Variants in DYNC2H1 observed in about 807,000 individuals in gnomAD.
DYNC2H1 encodes the protein cytoplasmic dynein 2 heavy chain 1.
A neutral mutation model predicts 570.0 loss-of-function variants in DYNC2H1; 410 were observed. The observed-to-expected ratio is 0.72, with a 90% CI of 0.66 to 0.78. The LOEUF is 0.78. Among genes scored for constraint, DYNC2H1 ranks in the 30% least tolerant of loss-of-function variants. The pLI is 0.00. For synonymous variants in DYNC2H1, 1,688 were observed against 1,677.6 expected (o/e 1.01, Z -0.15); for missense variants, 4,865 against 5,046.4 (o/e 0.96, Z 1.09).
intron 75 of DYNC2H1, among the ~76,000 whole-genome samples, chr11:103,298,144 C>T (rs1866909296): frequency 6.6e-6 from 1 of 151,996 alleles, no homozygotes; most frequent in Non-Finnish European, 1.5e-5. Flanking sequence ...AAGGTCTTAC[C>T]CTCAGATCTT....
intron 82 of DYNC2H1, among the ~76,000 whole-genome samples, chr11:103,333,273 T>G (rs1938920906): frequency 6.6e-6 from 1 of 152,204 alleles, no homozygotes; most frequent in South Asian, 2.1e-4. Flanking sequence ...GTTTGTTTCT[T>G]TGTTTTTTGA....
intron 5 of DYNC2H1, 27 bp downstream of exon 5, chr11:103,116,741 A>T (rs754266224): frequency 1.9e-5 from 29 of 1,555,134 alleles, no homozygotes; most frequent in Non-Finnish European, 2.5e-5. Flanking sequence ...GAACTTTTGG[A>T]ATTTTGAAAA....
chr11:103,463,566 A>T (rs555412829), intron 87 of DYNC2H1, among the ~76,000 whole-genome samples: 1 of 152,166 alleles, frequency 6.6e-6, no homozygotes, highest in Non-Finnish European at 1.5e-5. Context: ...CCTGAGCAAC[A>T]TGGAAGAACC....
At chr11:103,139,633 A>T (rs1859783580) in intron 17 of DYNC2H1, among the ~76,000 whole-genome samples, 1 of 151,812 alleles carries the variant, frequency 6.6e-6, no homozygotes, top group African/African-American at 2.4e-5. Flanking sequence ...CTTTACTTCC[A>T]ACTATGTGGT....
At chr11:103,220,471 T>C (rs1205011928) in intron 56 of DYNC2H1, among the ~76,000 whole-genome samples, 152 bp from the exon 57 acceptor site, 4 of 152,204 alleles carry the variant, frequency 2.6e-5, no homozygotes, top group Admixed American at 1.3e-4. Context: ...TTTTACACCT[T>C]GTATGATTGA....
At chr11:103,389,086 C>T (rs996682522) in intron 83 of DYNC2H1, among the ~76,000 whole-genome samples, 30 of 152,236 alleles carry the variant, frequency 2.0e-4, no homozygotes, top group African/African-American at 7.0e-4. Flanking sequence ...GGTACCAGCT[C>T]CTCCTTGTAC....
chr11:103,310,069 G>A (rs1312454783), intron 78 of DYNC2H1, among the ~76,000 whole-genome samples: 1 of 151,786 alleles, frequency 6.6e-6, no homozygotes, highest in Non-Finnish European at 1.5e-5. Flanking sequence ...TATAATATGG[G>A]CATATATTAT....
chr11:103,147,445 C>T (rs1033221836), intron 18 of DYNC2H1, among the ~76,000 whole-genome samples: 2 of 152,012 alleles, frequency 1.3e-5, no homozygotes, highest in African/African-American at 4.8e-5. Context: ...AGGTGTGTTA[C>T]ATGCTGTGAC....
intron 77 of DYNC2H1, among the ~76,000 whole-genome samples, chr11:103,307,387 C>G (rs1034075247): frequency 1.3e-5 from 2 of 152,100 alleles, no homozygotes; most frequent in African/African-American, 4.8e-5. Flanking sequence ...GTATCAGGCA[C>G]TGTTTTAGTG....
chr11:103,447,016 C>A (rs1305338400), intron 85 of DYNC2H1, among the ~76,000 whole-genome samples: 1 of 151,976 alleles, frequency 6.6e-6, no homozygotes, highest in East Asian at 1.9e-4. Flanking sequence ...GCATGAACAC[C>A]ATCAGGGTTT....
chr11:103,217,697 A>C (rs1017012563), intron 55 of DYNC2H1, among the ~76,000 whole-genome samples: 3 of 152,204 alleles, frequency 2.0e-5, no homozygotes, highest in African/African-American at 7.2e-5. Flanking sequence ...ATGTGATATC[A>C]AAATAGAAAA....
Position 103,256,317 on chromosome 11 carries a change from C to A in DYNC2H1, c.10461+77C>A. 1 of 1,369,982 alleles carries A rather than the reference C, an allele frequency of 7.3e-7. No individual in the cohort carries two copies. The highest frequency in any genetic ancestry group is 9.9e-7 in the Non-Finnish European group (1 of 1,008,256). 84.9% of individuals were successfully genotyped at this position (1,369,982 alleles called of 1,614,324 possible). ...GTTAATATGATAGAAAATGTAGAAT[C>A]AGGTCCTCAGGGGAAAGATGATGTG... On this transcript the variant is annotated intron_variant, in intron 68 of 88. Coordinates refer to ENST00000375735, the MANE Select transcript of DYNC2H1 (RefSeq NM_001377.3). This position sits in a 1 kb window ranked among gnomAD's most constrained non-coding sequence, Gnocchi z 4.0.
At chr11:103,365,691 T>C (rs1471926752) in intron 83 of DYNC2H1, among the ~76,000 whole-genome samples, 1 of 152,190 alleles carries the variant, frequency 6.6e-6, no homozygotes, top group Non-Finnish European at 1.5e-5. Context: ...AATTCTTTAT[T>C]GTACAGGGAA....
At chr11:103,124,356 G>A (rs1858876289) in intron 11 of DYNC2H1, among the ~76,000 whole-genome samples, 1 of 148,916 alleles carries the variant, frequency 6.7e-6, no homozygotes, top group African/African-American at 2.5e-5. Context: ...GAGATGGGAG[G>A]AATCCTTGAG....
At chr11:103,375,998 T>C (rs1941375646) in intron 83 of DYNC2H1, among the ~76,000 whole-genome samples, 2 of 152,180 alleles carry the variant, frequency 1.3e-5, no homozygotes. Flanking sequence ...CCCCACCTGT[T>C]ATTTGAGGGA....
intron 54 of DYNC2H1, among the ~76,000 whole-genome samples, chr11:103,213,766 C>T (rs573173640): frequency 1.1e-4 from 16 of 152,264 alleles, no homozygotes; most frequent in African/African-American, 3.1e-4. Context: ...TATTTTCTCC[C>T]ATTTAACAGG....
chr11:103,397,600 T>C (rs1663658016), intron 83 of DYNC2H1, among the ~76,000 whole-genome samples: 1 of 152,174 alleles, frequency 6.6e-6, no homozygotes, highest in South Asian at 2.1e-4. Flanking sequence ...AAATCAACCT[T>C]TTAAAAAGTT....
intron 84 of DYNC2H1, among the ~76,000 whole-genome samples, chr11:103,417,294 G>A (rs1252096425): frequency 2.0e-5 from 3 of 151,948 alleles, no homozygotes; most frequent in Non-Finnish European, 2.9e-5. Flanking sequence ...TGGTCAGGGG[G>A]GTTTCACCAT....
intron 84 of DYNC2H1, among the ~76,000 whole-genome samples, chr11:103,419,634 A>G (rs117021498): frequency 0.015 from 2,300 of 152,276 alleles, 33 homozygotes; most frequent in Non-Finnish European, 0.024. Context: ...CCCAAAGGTC[A>G]GCAACCTCAA....
Sources: allele counts gnomAD v4.1 joint callset (sites outside exome capture counted in the v4.1 genomes callset), GRCh38; gene constraint gnomAD v4.1.1; non-coding constraint Gnocchi (gnomAD v3.1); transcripts MANE v1.5; gene names NCBI Gene and HGNC (gene_info 2026-07-23, HGNC 2026-07-21).